ZNF668: variants seen among roughly 807,000 people sequenced by gnomAD.
ZNF668 encodes zinc finger protein 668.
Under a neutral mutation model 40.3 loss-of-function variants are expected in ZNF668, and 10 were observed. The observed-to-expected ratio is 0.25, with a 90% CI of 0.15 to 0.42. The LOEUF is 0.42. ZNF668 is among the 10% of genes least tolerant of loss of function. The pLI is 1.00. For synonymous variants in ZNF668, 428 were observed against 384.6 expected (o/e 1.11, Z -1.32); for missense variants, 749 against 904.6 (o/e 0.83, Z 2.21).
At chr16:31,064,593 C>T (rs527692286) in intron 1 of ZNF668, 112 bp from the exon 2 acceptor site, 3 of 1,549,578 alleles carry the variant, frequency 1.9e-6, no homozygotes, top group Non-Finnish European at 1.7e-6. Flanking sequence ...CACATCCTTC[C>T]TGCCCAGCAT....
rs1380003857 is a variant in ZNF668, at chr16:31,061,218, G to A, written c.1710C>T (p.Arg570=). The part of the protein sequence containing the change: ...RKHSRTHSSV[R]PYTCPHCPKA... ...TGGGACAATGGGGGCAGGTGTAGGG[G>A]CGCACTGAGCTGTGAGTGCGGCTGT... Residue 570 remains arginine, a synonymous_variant, in exon 3 of 3, where the codon CGC becomes CGT. Coordinates refer to ENST00000300849, the MANE Select transcript of ZNF668 (RefSeq NM_024706.5). This position sits in a 1 kb window ranked among gnomAD's most constrained non-coding sequence, Gnocchi z 7.7. The A allele has an allele frequency of 6.5e-7, 1 of 1,528,172 alleles. No individual in the cohort carries two copies. Among genetic ancestry groups the A allele is most frequent in the Non-Finnish European group, 8.8e-7 (1 of 1,139,460 alleles). The allele number at this position is 1,528,172 out of a possible 1,614,324, so 94.7% of individuals were successfully genotyped here.
intron 1 of ZNF668, among the ~76,000 whole-genome samples, chr16:31,068,220 T>TAAAAAAAAA (rs767511878): frequency 0.012 from 109 of 9,370 alleles, 40 homozygotes; most frequent in East Asian, 0.029. Flanking sequence ...ATCCCACCAT[T>TAAAAAAAAA]AAAAAAAAAA....
chr16:31,072,032 G>A (rs1452842630), intron 1 of ZNF668, among the ~76,000 whole-genome samples: 1 of 152,296 alleles, frequency 6.6e-6, no homozygotes. Flanking sequence ...GGTCCAGTAG[G>A]ATTAGCGTTC....
intron 1 of ZNF668, among the ~76,000 whole-genome samples, chr16:31,066,961 G>A (rs561679330): frequency 3.3e-5 from 5 of 151,766 alleles, no homozygotes; most frequent in Non-Finnish European, 5.9e-5. Context: ...CGGGTGGATC[G>A]CTTGAGCCCA....
intron 1 of ZNF668, 127 bp from the exon 2 acceptor site, chr16:31,064,608 G>A: frequency 6.5e-7 from 1 of 1,541,558 alleles, no homozygotes; most frequent in Non-Finnish European, 8.7e-7. Flanking sequence ...CAGCATTCCT[G>A]GCTCTGACAT....
At chr16:31,064,658 G>A in intron 1 of ZNF668, 177 bp from the exon 2 acceptor site, 1 of 1,536,244 alleles carries the variant, frequency 6.5e-7, no homozygotes, top group Non-Finnish European at 8.7e-7. Context: ...ATTGAAGAAA[G>A]GAGTTGGACC....
intron 1 of ZNF668, 84 bp from the exon 2 acceptor site, chr16:31,064,565 T>G: frequency 6.3e-7 from 1 of 1,579,204 alleles, no homozygotes; most frequent in East Asian, 2.3e-5. Context: ...TCATCTGCAT[T>G]TCTCACCTCG....
At position 31,066,116 on chromosome 16, in the gene ZNF668, G is replaced by T. The variant is rs189602548; in HGVS notation, c.-22-1635C>A. ...TCAGCACCCTTCTGCCTGAAATCCC[G>T]GCCTCAGGCCTGCACGCTGCCCTCC... On this transcript the variant is annotated intron_variant, in intron 1 of 2. Transcript: ENST00000300849. 2.4e-4 allele frequency: 235 copies of T among 985,392 alleles called. No individual in the cohort carries two copies. The East Asian group carries it at 0.014, about 60-fold the overall frequency. 61.0% of individuals were successfully genotyped at this position (985,392 alleles called of 1,614,324 possible). A position where few individuals can be genotyped will look rare whatever the true frequency, so the allele number is the denominator to read the frequency against.
In ZNF668 at chr16:31,064,241, C is replaced by G; in HGVS notation, c.219G>C (p.Lys73Asn). The G allele has an allele frequency of 6.2e-7, 1 of 1,613,552 alleles. No homozygotes were observed. The highest frequency in any genetic ancestry group is 8.5e-7 in the Non-Finnish European group (1 of 1,180,022). Reference sequence around the variant, plus strand: ...TAGGCTTGGCCGCGGAGCCTGACACCTTCTCCCCACTGGCTTCCTCTGCCT... The same window carrying G: ...TAGGCTTGGCCGCGGAGCCTGACACGTTCTCCCCACTGGCTTCCTCTGCCT... ...EAKAEEASGEKVSGSAAKPRP... is the reference protein window; with the variant it reads ...EAKAEEASGENVSGSAAKPRP... Residue 73 changes from lysine to asparagine, a missense_variant, in exon 2 of 3, where the codon AAG (lysine) becomes AAC (asparagine). Transcript: ENST00000300849.
intron 1 of ZNF668, chr16:31,065,992 GC>G: frequency 1.0e-6 from 1 of 981,162 alleles, no homozygotes; most frequent in African/African-American, 1.7e-5. Context: ...GAGACTCAGG[GC>G]CCCTTATGCC....
chr16:31,065,490 G>T (rs2056973921), intron 1 of ZNF668: 1 of 152,372 alleles, frequency 6.6e-6, no homozygotes. Context: ...AGAGGCTAGG[G>T]GGCCTACGTT....
At chr16:31,066,340 C>T (rs1395663544) in intron 1 of ZNF668, 1 of 985,316 alleles carries the variant, frequency 1.0e-6, no homozygotes, top group East Asian at 1.1e-4. Context: ...TTGGGTTTGG[C>T]CCCAATCCCA....
Position 31,061,929 on chromosome 16 carries a change from G to T in ZNF668, c.999C>A (p.Asp333Glu). The change falls in exon 3 of 3, where the codon GAC becomes GAA. Residue 333 changes from aspartate (D) to glutamate (E), a missense_variant. Physicochemically the swap from Asp to Glu is conservative, Grantham distance 45. Coordinates refer to ENST00000300849, the MANE Select transcript of ZNF668 (RefSeq NM_024706.5). This position sits in a 1 kb window ranked among gnomAD's most constrained non-coding sequence, Gnocchi z 7.7. ...CACATTGCAGGCACTTGAACGGCCG[G>T]TCGCCTGTGTGCACACGCCGGTGCA... ...LAMHRRVHTG[D>E]RPFKCLQCDK... 4 of 1,613,508 alleles carry T rather than the reference G, an allele frequency of 2.5e-6. No individual in the cohort carries two copies. Among genetic ancestry groups the T allele is most frequent in the Non-Finnish European group, 3.4e-6 (4 of 1,179,790 alleles).
intron 1 of ZNF668, among the ~76,000 whole-genome samples, chr16:31,066,707 C>A (rs541472276): frequency 3.9e-4 from 59 of 150,596 alleles, no homozygotes; most frequent in African/African-American, 1.3e-3. Context: ...CTGTCTCAAT[C>A]AATCAATCAA....
rs200611566 is a variant in ZNF668, at chr16:31,061,839, G to T, written c.1089C>A (p.Pro363=). 4 of 1,613,036 alleles carry T rather than the reference G, an allele frequency of 2.5e-6. No homozygotes were observed. Among genetic ancestry groups the T allele is most frequent in the Non-Finnish European group, 3.4e-6 (4 of 1,179,790 alleles). ...CTCGCCCGCACTCCTCACAGCGGAA[G>T]GGCCGCTGGCCAGAGTGCACCAGCG... is the stretch of plus-strand genomic sequence containing the variant. ...RHALVHSGQR[P]FRCEECGRAF... is the part of the protein sequence containing the mutation. The change falls in exon 3 of 3, where the codon CCC becomes CCA. Residue 363 remains proline, a synonymous_variant. Transcript: ENST00000300849. The surrounding 1 kb of genome is among the most constrained non-coding windows in gnomAD (Gnocchi z 7.7).
chr16:31,060,964 G>A lies in ZNF668; in HGVS notation c.*104C>T. ...CCGACAGGGGAGCTAGTTGCTGAGG[G>A]GTAGGGATCTGGAGTCTAAAGAGCA... On this transcript the variant is annotated 3_prime_UTR_variant, in exon 3 of 3. Transcript: ENST00000300849. 7.6e-7 allele frequency: 1 copy of A among 1,311,896 alleles called. No homozygotes were observed. The highest frequency in any genetic ancestry group is 2.7e-5 in the East Asian group (1 of 36,972). The allele number at this position is 1,311,896 out of a possible 1,614,324, so 81.3% of individuals were successfully genotyped here.
intron 1 of ZNF668, chr16:31,064,898 A>G: frequency 5.7e-6 from 8 of 1,408,746 alleles, no homozygotes; most frequent in Non-Finnish European, 7.4e-6. Context: ...CCCAGAAAAG[A>G]CAGACCTGGG....
chr16:31,067,365 T>C (rs1313823866), intron 1 of ZNF668, among the ~76,000 whole-genome samples: 2 of 152,212 alleles, frequency 1.3e-5, no homozygotes, highest in Non-Finnish European at 2.9e-5. Context: ...TATTATTCCA[T>C]TTTCACAGAT....
chr16:31,065,000 C>T (rs2056970917), intron 1 of ZNF668: 9 of 1,186,204 alleles, frequency 7.6e-6, no homozygotes, highest in Non-Finnish European at 9.5e-6. Context: ...CTTTCCTCCT[C>T]TGGATGGTTA....
Sources: allele counts gnomAD v4.1 joint callset (sites outside exome capture counted in the v4.1 genomes callset), GRCh38; gene constraint gnomAD v4.1.1; non-coding constraint Gnocchi (gnomAD v3.1); transcripts MANE v1.5; gene names NCBI Gene and HGNC (gene_info 2026-07-23, HGNC 2026-07-21).